Variants in TYW1B observed in about 807,000 individuals in gnomAD.
TYW1B encodes the protein S-adenosyl-L-methionine-dependent tRNA 4-demethylwyosine synthase TYW1B.
TYW1B carries 73 observed loss-of-function variants against 86.9 expected under a neutral mutation model. The ratio of observed to expected loss-of-function variants is 0.84; its 90% CI spans 0.70 to 1.02. The LOEUF is 1.02. TYW1B is among the 50% of genes least tolerant of loss of function. TYW1B has a pLI of 0.00. For missense variants in TYW1B, 637 were observed against 827.4 expected (o/e 0.77, Z 2.82); for synonymous variants, 248 against 292.8 (o/e 0.85, Z 1.56).
intron 9 of TYW1B, among the ~76,000 whole-genome samples, chr7:72,719,590 C>T (rs1786855656): frequency 7.3e-6 from 1 of 137,004 alleles, no homozygotes; most frequent in Admixed American, 8.0e-5. Flanking sequence ...GAGATCTCAC[C>T]ACTGCACTCC....
At chr7:72,662,041 C>T (rs1216809195) in intron 11 of TYW1B, among the ~76,000 whole-genome samples, 4 of 152,208 alleles carry the variant, frequency 2.6e-5, no homozygotes. Context: ...AAAAGAATCA[C>T]TGCCTTTACG....
chr7:72,653,523 C>T (rs1262710176), intron 11 of TYW1B, among the ~76,000 whole-genome samples: 7 of 151,902 alleles, frequency 4.6e-5, no homozygotes, highest in African/African-American at 1.5e-4. Context: ...AGGAGAATGG[C>T]GTGAACCTGG....
In TYW1B at chr7:72,657,992, G is replaced by A. The variant is rs182231210; in HGVS notation, c.1507-28995C>T. 4.5e-3 allele frequency among the ~76,000 whole-genome samples: 686 copies of A among 152,198 alleles called. 5 individuals are homozygous for A. Among genetic ancestry groups the A allele is most frequent in the African/African-American group, 0.016 (644 of 41,536 alleles). On this transcript the variant is annotated intron_variant, in intron 11 of 13. Coordinates refer to ENST00000620995, the MANE Select transcript of TYW1B (RefSeq NM_001145440.3). The stretch of plus-strand genomic sequence containing the variant: ...TTAAATGGGCCAGGAGCGGTGGCTC[G>A]CACCTGTAATCCCAGCACTTTGGGA...
At chr7:72,655,298 C>T (rs1813172433) in intron 11 of TYW1B, among the ~76,000 whole-genome samples, 1 of 152,148 alleles carries the variant, frequency 6.6e-6, no homozygotes, top group South Asian at 2.1e-4. Flanking sequence ...TCAGCTCTCA[C>T]AAGCCCTAAG....
At chr7:72,698,751 A>T (rs1814386397) in intron 10 of TYW1B, among the ~76,000 whole-genome samples, 1 of 152,176 alleles carries the variant, frequency 6.6e-6, no homozygotes, top group Non-Finnish European at 1.5e-5. Context: ...CTGCACCATG[A>T]TGGCAAAATC....
intron 11 of TYW1B, among the ~76,000 whole-genome samples, chr7:72,671,647 G>A (rs78880804): frequency 9.0e-4 from 137 of 152,154 alleles, no homozygotes; most frequent in African/African-American, 3.3e-3. Flanking sequence ...GGGCTGTGTG[G>A]ATTTCATTAA....
intron 11 of TYW1B, among the ~76,000 whole-genome samples, chr7:72,670,919 A>G (rs1160035983): frequency 6.6e-6 from 1 of 152,232 alleles, no homozygotes; most frequent in African/African-American, 2.4e-5. Flanking sequence ...TTTTATTTTT[A>G]TGATGGCCTC....
intron 7 of TYW1B, among the ~76,000 whole-genome samples, chr7:72,772,841 TG>T (rs1554469901): frequency 6.6e-6 from 1 of 152,226 alleles, no homozygotes; most frequent in East Asian, 1.9e-4. Flanking sequence ...ATATTCACAC[TG>T]TGATGATTAT....
At chr7:72,615,583 A>T (rs1812052620) in intron 13 of TYW1B, among the ~76,000 whole-genome samples, 1 of 152,178 alleles carries the variant, frequency 6.6e-6, no homozygotes, top group Non-Finnish European at 1.5e-5. Flanking sequence ...GGCAACATGA[A>T]TGAGAACCTG....
intron 10 of TYW1B, among the ~76,000 whole-genome samples, chr7:72,705,312 G>C (rs1554453448): frequency 6.6e-6 from 1 of 152,174 alleles, no homozygotes. Context: ...GAATGTCTCA[G>C]CAAAAACTAG....
In TYW1B at chr7:72,739,388, G is replaced by A. The variant is rs35419528; in HGVS notation, c.1082+5096C>T. On this transcript the variant is annotated intron_variant, in intron 8 of 13. Transcript: ENST00000620995. ...TGGGAGGCCAAGGAGGGCAGATCAC[G>A]AGGTGAGGAGTTCAAGACCAGCCTG... 9.6e-3 allele frequency among the ~76,000 whole-genome samples: 1,454 copies of A among 151,898 alleles called. 12 individuals are homozygous for A. Among genetic ancestry groups the A allele is most frequent in the Non-Finnish European group, 0.015 (1,049 of 67,928 alleles).
chr7:72,770,005 G>A (rs369114755), intron 7 of TYW1B, among the ~76,000 whole-genome samples: 4 of 151,702 alleles, frequency 2.6e-5, no homozygotes, highest in East Asian at 1.9e-4. Flanking sequence ...ACTTGAACCC[G>A]AGAGGTGCAG....
chr7:72,796,565 A>G (rs3895708), intron 6 of TYW1B, among the ~76,000 whole-genome samples: 3 of 151,522 alleles, frequency 2.0e-5, no homozygotes, highest in East Asian at 4.0e-4. Context: ...TTGATGTAAT[A>G]TAATCTATTA....
intron 11 of TYW1B, among the ~76,000 whole-genome samples, chr7:72,693,764 T>TTG (rs1814234432): frequency 6.6e-6 from 1 of 151,984 alleles, no homozygotes; most frequent in African/African-American, 2.4e-5. Flanking sequence ...TTTCCACACA[T>TTG]TCAACCAACC....
At chr7:72,702,083 T>C (rs1353915062) in intron 10 of TYW1B, among the ~76,000 whole-genome samples, 8 of 152,194 alleles carry the variant, frequency 5.3e-5, no homozygotes, top group African/African-American at 9.7e-5. Flanking sequence ...AGCTTTTCCT[T>C]TTCCATTTAT....
chr7:72,825,894 A>C (rs1289491223), intron 2 of TYW1B, among the ~76,000 whole-genome samples: 5 of 152,164 alleles, frequency 3.3e-5, no homozygotes, highest in Non-Finnish European at 7.3e-5. Flanking sequence ...GTCAGCTCTA[A>C]CTGGGCACAG....
At position 72,743,604 on chromosome 7, in the gene TYW1B, G is replaced by A. The variant is rs534034703; in HGVS notation, c.1082+880C>T. Among the ~76,000 whole-genome samples the A allele has an allele frequency of 2.6e-5, 4 of 152,266 alleles. No homozygotes were observed. In the East Asian group the frequency reaches 7.7e-4, roughly 29 times the overall value. On this transcript the variant is annotated intron_variant, in intron 8 of 13. Transcript: ENST00000620995. Reference sequence around the variant, plus strand: ...CACACCTGTAATCCCAGCACTTTGGGAGGCCGAGGTGGGCGGATCACCTGA... The same window carrying A: ...CACACCTGTAATCCCAGCACTTTGGAAGGCCGAGGTGGGCGGATCACCTGA...
intron 3 of TYW1B, among the ~76,000 whole-genome samples, chr7:72,814,940 A>G (rs1206683495): frequency 6.6e-6 from 1 of 151,286 alleles, no homozygotes; most frequent in African/African-American, 2.4e-5. Flanking sequence ...ATGGTGACAC[A>G]TGCCTGTAAA....
chr7:72,735,952 C>A (rs564457765), intron 8 of TYW1B, among the ~76,000 whole-genome samples: 18 of 152,162 alleles, frequency 1.2e-4, no homozygotes, highest in Middle Eastern at 3.4e-3. Flanking sequence ...CACAGAGTTG[C>A]ACATTGTTAG....
Sources: gnomAD v4.1 joint callset for allele counts (sites outside exome capture counted in the v4.1 genomes callset) on GRCh38, gnomAD v4.1.1 for gene constraint, MANE v1.5 for transcripts, NCBI Gene and HGNC (gene_info 2026-07-23, HGNC 2026-07-21) for gene names.